The following KHDRBS2 variants were observed in gnomAD, a reference collection of about 807,000 sequenced individuals.
The protein encoded by KHDRBS2 is KH RNA binding domain containing, signal transduction associated 2, also known as KH domain-containing, RNA-binding, signal transduction-associated protein 2.
In KHDRBS2, 26 loss-of-function variants were observed where a neutral mutation model predicts 44.3. The ratio of observed to expected loss-of-function variants is 0.59; its 90% CI spans 0.43 to 0.81. The LOEUF is 0.81. Ranked by LOEUF, KHDRBS2 falls within the 40% of genes least tolerant of loss-of-function variation. The pLI, the probability that KHDRBS2 is intolerant of heterozygous loss-of-function variation, is 0.00. For synonymous variants in KHDRBS2, 194 were observed against 151.1 expected (o/e 1.28, Z -2.08); for missense variants, 476 against 433.1 (o/e 1.10, Z -0.88).
chr6:62,070,973 C>T (rs552002619), intron 2 of KHDRBS2, among the ~76,000 whole-genome samples: 1 of 152,238 alleles, frequency 6.6e-6, no homozygotes, highest in South Asian at 2.1e-4. Flanking sequence ...AAAAGTGTTC[C>T]TATTTCTCCA....
intron 1 of KHDRBS2, among the ~76,000 whole-genome samples, chr6:62,186,151 C>T (rs1823371869): frequency 6.6e-6 from 1 of 152,018 alleles, no homozygotes. Flanking sequence ...GCTTTCTAAG[C>T]CTTTTCTATG....
chr6:61,630,460 ATG>A, the KHDRBS2 span: 3 of 152,146 alleles, frequency 2.0e-5, no homozygotes, highest in Non-Finnish European at 4.4e-5. Context: ...GAAGGTTTTA[ATG>A]TCTTCCATGG....
chr6:61,835,816 A>G (rs1376109262), intron 6 of KHDRBS2, among the ~76,000 whole-genome samples: 3 of 151,794 alleles, frequency 2.0e-5, no homozygotes, highest in Non-Finnish European at 1.5e-5. Flanking sequence ...AGGTACTAAG[A>G]AAATTAATAA....
intron 2 of KHDRBS2, among the ~76,000 whole-genome samples, chr6:62,154,003 T>C (rs369983768): frequency 6.6e-6 from 1 of 152,226 alleles, no homozygotes; most frequent in African/African-American, 2.4e-5. Flanking sequence ...TTGGTTTCTT[T>C]GTTTCACTAG....
the KHDRBS2 span, among the ~76,000 whole-genome samples, chr6:61,552,471 G>A: frequency 2.6e-5 from 4 of 152,078 alleles, no homozygotes; most frequent in South Asian, 2.1e-4. Context: ...GGGATAGTTT[G>A]ACTTCCTCTC....
At chr6:61,857,219 A>C (rs1162695093) in intron 6 of KHDRBS2, among the ~76,000 whole-genome samples, 1 of 152,056 alleles carries the variant, frequency 6.6e-6, no homozygotes, top group Admixed American at 6.6e-5. Context: ...TAAATGGGAA[A>C]ATTTTCTGTT....
the KHDRBS2 span, among the ~76,000 whole-genome samples, chr6:61,574,015 A>G: frequency 1.3e-5 from 2 of 152,176 alleles, no homozygotes; most frequent in Non-Finnish European, 2.9e-5. Context: ...TTGACAAAGT[A>G]AACAAAAACA....
chr6:61,566,930 T>C, the KHDRBS2 span, among the ~76,000 whole-genome samples: 1 of 152,170 alleles, frequency 6.6e-6, no homozygotes, highest in Non-Finnish European at 1.5e-5. Context: ...TTAAGACTAA[T>C]GCAATAGGGA....
chr6:61,811,444 T>G (rs1788099485), intron 6 of KHDRBS2, among the ~76,000 whole-genome samples: 1 of 152,152 alleles, frequency 6.6e-6, no homozygotes, highest in South Asian at 2.1e-4. Context: ...TAGAATGATT[T>G]ATTTTCCTTT....
At chr6:62,034,682 C>A (rs1335007879) in intron 3 of KHDRBS2, among the ~76,000 whole-genome samples, 4 of 115,992 alleles carry the variant, frequency 3.4e-5, no homozygotes, top group East Asian at 5.9e-4. Flanking sequence ...TGGCTAGTAT[C>A]ATTCTGAACA....
intron 3 of KHDRBS2, among the ~76,000 whole-genome samples, chr6:61,990,141 A>G (rs1424404247): frequency 6.6e-6 from 1 of 152,198 alleles, no homozygotes; most frequent in African/African-American, 2.4e-5. Flanking sequence ...CAAACCTCAC[A>G]TAAGTAAATT....
At chr6:61,745,725 A>G (rs1252747988) in intron 6 of KHDRBS2, among the ~76,000 whole-genome samples, 1 of 152,210 alleles carries the variant, frequency 6.6e-6, no homozygotes, top group Non-Finnish European at 1.5e-5. Context: ...ATTTCTAATC[A>G]TAGAAATCCA....
At chr6:62,008,893 T>C (rs188883947) in intron 3 of KHDRBS2, among the ~76,000 whole-genome samples, 1 of 152,272 alleles carries the variant, frequency 6.6e-6, no homozygotes, top group East Asian at 1.9e-4. Flanking sequence ...AACTTCTTTT[T>C]TTTGTAAATT....
intron 1 of KHDRBS2, among the ~76,000 whole-genome samples, chr6:62,216,693 C>A (rs1830029814): frequency 1.2e-5 from 1 of 80,328 alleles, no homozygotes; most frequent in Non-Finnish European, 2.4e-5. Flanking sequence ...ATTTCTTTCT[C>A]CTCTTTTTTT....
At chr6:61,564,693 C>G in the KHDRBS2 span, among the ~76,000 whole-genome samples, 1 of 152,058 alleles carries the variant, frequency 6.6e-6, no homozygotes, top group Admixed American at 6.6e-5. Flanking sequence ...GGCTGTGGAG[C>G]TGGAGATAGG....
At chr6:62,193,385 G>C (rs1052060512) in intron 1 of KHDRBS2, among the ~76,000 whole-genome samples, 5 of 151,986 alleles carry the variant, frequency 3.3e-5, no homozygotes, top group African/African-American at 1.2e-4. Flanking sequence ...AATCAAATAT[G>C]TGTTCTAATT....
chr6:62,093,365 T>C (rs1376462240), intron 2 of KHDRBS2, among the ~76,000 whole-genome samples: 2 of 152,052 alleles, frequency 1.3e-5, no homozygotes, highest in Non-Finnish European at 2.9e-5. Flanking sequence ...AATGGACACA[T>C]AATAATTATA....
chr6:61,650,807 A>G, the KHDRBS2 span, among the ~76,000 whole-genome samples: 1 of 152,116 alleles, frequency 6.6e-6, no homozygotes, highest in African/African-American at 2.4e-5. Flanking sequence ...AATTATCATC[A>G]TTAGGTGTCT....
intron 6 of KHDRBS2, among the ~76,000 whole-genome samples, chr6:61,762,265 C>A (rs887347519): frequency 5.3e-5 from 8 of 152,262 alleles, no homozygotes; most frequent in African/African-American, 1.9e-4. Context: ...GATACTTTTT[C>A]CTCCCCAGTT....
Sources: allele counts gnomAD v4.1 joint callset (sites outside exome capture counted in the v4.1 genomes callset), GRCh38; gene constraint gnomAD v4.1.1; transcripts MANE v1.5; gene names NCBI Gene and HGNC (gene_info 2026-07-23, HGNC 2026-07-21).